Variants in EYS observed in about 807,000 individuals in gnomAD.
EYS encodes the protein protein eyes shut homolog.
A neutral mutation model predicts 282.1 loss-of-function variants in EYS; 250 were observed. The observed-to-expected ratio is 0.89, with a 90% CI of 0.80 to 0.98. The LOEUF (loss-of-function observed/expected upper bound fraction) is 0.98. Among genes scored for constraint, EYS ranks in the 50% least tolerant of loss-of-function variants. The pLI, the probability that EYS is intolerant of heterozygous loss-of-function variation, is 0.00. For synonymous variants in EYS, 1,355 were observed against 1,282.9 expected (o/e 1.06, Z -1.20); for missense variants, 4,016 against 3,709.0 (o/e 1.08, Z -2.15).
At chr6:64,531,076 A>C (rs1166974199) in intron 26 of EYS, among the ~76,000 whole-genome samples, 2 of 152,222 alleles carry the variant, frequency 1.3e-5, no homozygotes, top group East Asian at 3.9e-4. Context: ...TAGAGCAAGA[A>C]CTTACCTAAA....
chr6:64,910,983 T>G (rs1403939885), intron 16 of EYS, among the ~76,000 whole-genome samples: 2 of 152,000 alleles, frequency 1.3e-5, no homozygotes, highest in Non-Finnish European at 2.9e-5. Flanking sequence ...TCTGAGATTT[T>G]TTTTCTATTT....
At chr6:65,537,386 G>A (rs1767999533) in intron 2 of EYS, among the ~76,000 whole-genome samples, 1 of 152,008 alleles carries the variant, frequency 6.6e-6, no homozygotes, top group South Asian at 2.1e-4. Context: ...TACCCTTCAA[G>A]TATGTGTATA....
chr6:65,125,051 C>T (rs191571436), intron 12 of EYS, among the ~76,000 whole-genome samples: 2 of 152,140 alleles, frequency 1.3e-5, no homozygotes, highest in African/African-American at 4.8e-5. Context: ...ACACTTTGAA[C>T]AACTAGGAAG....
chr6:64,440,667 C>T (rs1438333339), intron 26 of EYS, among the ~76,000 whole-genome samples: 1 of 151,752 alleles, frequency 6.6e-6, no homozygotes, highest in African/African-American at 2.4e-5. Flanking sequence ...TTTTAAACAA[C>T]AAGAAATTGT....
At chr6:64,583,048 T>C (rs563804037) in intron 26 of EYS, among the ~76,000 whole-genome samples, 1 of 152,268 alleles carries the variant, frequency 6.6e-6, no homozygotes, top group South Asian at 2.1e-4. Flanking sequence ...TGACATTATA[T>C]ATTGTTACAA....
chr6:65,630,860 T>G (rs908757981), intron 2 of EYS, among the ~76,000 whole-genome samples: 4 of 152,182 alleles, frequency 2.6e-5, no homozygotes, highest in African/African-American at 9.7e-5. Context: ...GGAAGAAAAC[T>G]TACTGAATGC....
intron 29 of EYS, among the ~76,000 whole-genome samples, chr6:64,334,590 G>A (rs1020507587): frequency 3.3e-5 from 5 of 152,092 alleles, no homozygotes; most frequent in Non-Finnish European, 5.9e-5. Context: ...ACATCATAAG[G>A]TTGCAAGCAG....
Position 65,558,931 on chromosome 6 carries a change from A to G in EYS, c.-332-62938T>C, listed in dbSNP as rs142988652. Reference sequence around the variant, plus strand: ...ATGAGAGAGTTTGATGAAATGGAAGATTTTAAACAATCTCCCACTTTTAAT... The same window carrying G: ...ATGAGAGAGTTTGATGAAATGGAAGGTTTTAAACAATCTCCCACTTTTAAT... On this transcript the variant is annotated intron_variant, in intron 2 of 42. Transcript: ENST00000503581. Among the ~76,000 whole-genome samples, 933 of 152,342 alleles carry G rather than the reference A, an allele frequency of 6.1e-3. 10 individuals are homozygous for G. The highest frequency in any genetic ancestry group is 0.021 in the African/African-American group (871 of 41,576).
At chr6:65,066,468 A>G (rs1308418253) in intron 12 of EYS, among the ~76,000 whole-genome samples, 1 of 152,222 alleles carries the variant, frequency 6.6e-6, no homozygotes, top group Non-Finnish European at 1.5e-5. Flanking sequence ...TCATAAATGA[A>G]TACTTTTTTG....
chr6:63,879,472 A>G (rs1247462657), intron 35 of EYS, among the ~76,000 whole-genome samples: 1 of 152,208 alleles, frequency 6.6e-6, no homozygotes, highest in Non-Finnish European at 1.5e-5. Context: ...AGCTACTTAC[A>G]TATCAACAAA....
At chr6:65,114,287 A>G (rs1775303242) in intron 12 of EYS, among the ~76,000 whole-genome samples, 1 of 151,086 alleles carries the variant, frequency 6.6e-6, no homozygotes, top group African/African-American at 2.4e-5. Flanking sequence ...AACAAACTAT[A>G]TTTCTTTGCC....
At chr6:64,534,469 A>T (rs1176409939) in intron 26 of EYS, among the ~76,000 whole-genome samples, 1 of 152,134 alleles carries the variant, frequency 6.6e-6, no homozygotes, top group African/African-American at 2.4e-5. Flanking sequence ...TTCAGTTTAC[A>T]TTAATCATTC....
intron 29 of EYS, among the ~76,000 whole-genome samples, chr6:64,315,067 A>G (rs1294354496): frequency 6.6e-6 from 1 of 152,154 alleles, no homozygotes; most frequent in African/African-American, 2.4e-5. Flanking sequence ...AATCAAATAG[A>G]CACAATAAAA....
intron 22 of EYS, among the ~76,000 whole-genome samples, chr6:64,660,207 C>A (rs1464191167): frequency 6.6e-6 from 1 of 152,164 alleles, no homozygotes; most frequent in Non-Finnish European, 1.5e-5. Flanking sequence ...TAAAAACTCT[C>A]AATAAATTAG....
chr6:64,664,465 T>G (rs1002137398), intron 22 of EYS, among the ~76,000 whole-genome samples: 3 of 152,184 alleles, frequency 2.0e-5, no homozygotes, highest in African/African-American at 7.2e-5. Flanking sequence ...CAGCTAGTCC[T>G]GTCTCTCAAT....
At chr6:64,185,177 A>G (rs889484172) in intron 31 of EYS, among the ~76,000 whole-genome samples, 1 of 143,308 alleles carries the variant, frequency 7.0e-6, no homozygotes, top group African/African-American at 2.6e-5. Context: ...GTGAGAAATA[A>G]ATAAATAATA....
intron 22 of EYS, among the ~76,000 whole-genome samples, chr6:64,757,804 A>G (rs1390987684): frequency 7.0e-6 from 1 of 143,370 alleles, no homozygotes. Context: ...TGTTTGTTTG[A>G]GACGGAGTCT....
intron 1 of EYS, among the ~76,000 whole-genome samples, chr6:65,645,084 T>C: frequency 6.6e-6 from 1 of 150,608 alleles, no homozygotes; most frequent in East Asian, 2.0e-4. Flanking sequence ...AATGAACTAA[T>C]ATAGGGACTT....
intron 2 of EYS, among the ~76,000 whole-genome samples, chr6:65,543,766 A>G: frequency 6.6e-6 from 1 of 152,188 alleles, no homozygotes; most frequent in East Asian, 1.9e-4. Context: ...TAACATTGTG[A>G]ATCACAATTT....
Sources: allele counts gnomAD v4.1 joint callset (sites outside exome capture counted in the v4.1 genomes callset), GRCh38; gene constraint gnomAD v4.1.1; transcripts MANE v1.5; gene names NCBI Gene and HGNC (gene_info 2026-07-23, HGNC 2026-07-21).